The following PPP2R5C variants were observed in gnomAD, a reference collection of about 807,000 sequenced individuals.
The protein encoded by PPP2R5C is protein phosphatase 2 regulatory subunit B'gamma.
A neutral mutation model predicts 68.9 loss-of-function variants in PPP2R5C; 7 were observed. The ratio of observed to expected loss-of-function variants is 0.10; its 90% confidence interval spans 0.06 to 0.19. The LOEUF is 0.19. Among genes scored for constraint, PPP2R5C ranks in the 10% least tolerant of loss-of-function variants. PPP2R5C has a pLI of 1.00. For synonymous variants in PPP2R5C, 210 were observed against 222.2 expected, an observed-to-expected ratio of 0.95 and a Z score of 0.49; for missense variants, 348 against 641.3, an observed-to-expected ratio of 0.54 and a Z score of 4.94.
chr14:101,821,440 G>GTGTGTGTGTGTGT (rs1566869921), intron 1 of PPP2R5C, among the ~76,000 whole-genome samples: 2 of 132,012 alleles, frequency 1.5e-5, no homozygotes, highest in African/African-American at 5.5e-5. Context: ...CCCTGTGGGG[G>GTGTGTGTGTGTGT]GTGGGTGGGT....
At chr14:101,814,532 C>T (rs2039548061) in intron 1 of PPP2R5C, among the ~76,000 whole-genome samples, 1 of 152,202 alleles carries the variant, frequency 6.6e-6, no homozygotes, top group South Asian at 2.1e-4. Context: ...CTCATCCATA[C>T]GCTCTCAATC....
At chr14:101,765,403 T>C (rs1001721520) in intron 2 of PPP2R5C, 6 of 619,412 alleles carry the variant, frequency 9.7e-6, no homozygotes, top group Non-Finnish European at 1.7e-5. Flanking sequence ...GCTCACTGCT[T>C]CACTTCTAGT....
chr14:101,793,022 C>T (rs61994025), intron 3 of PPP2R5C, among the ~76,000 whole-genome samples: 3,008 of 152,114 alleles, frequency 0.02, 33 homozygotes, highest in Non-Finnish European at 0.028. Context: ...GGATTACAGG[C>T]GTGTGCCACC....
chr14:101,853,755 A>G (rs1371539114), intron 1 of PPP2R5C, among the ~76,000 whole-genome samples: 3 of 152,010 alleles, frequency 2.0e-5, no homozygotes, highest in Non-Finnish European at 2.9e-5. Flanking sequence ...CCTCGCCTCT[A>G]GATCGGGGTA....
intron 3 of PPP2R5C, chr14:101,796,548 C>G (rs928895306): frequency 6.5e-6 from 1 of 153,098 alleles, no homozygotes; most frequent in Non-Finnish European, 1.5e-5. Flanking sequence ...AGCTTCAGCC[C>G]CTCTAAGCCA....
intron 2 of PPP2R5C, among the ~76,000 whole-genome samples, chr14:101,780,329 T>C (rs1185179558): frequency 6.6e-6 from 1 of 152,206 alleles, no homozygotes; most frequent in Non-Finnish European, 1.5e-5. Context: ...TGATATGTGC[T>C]GGTTCCTCCT....
chr14:101,893,058 G>A, exon 7 of PPP2R5C: 1 of 1,612,480 alleles, frequency 6.2e-7, no homozygotes, highest in Non-Finnish European at 8.5e-7. Context: ...CTTATTGAAG[G>A]TGTTACTACC....
intron 5 of PPP2R5C, among the ~76,000 whole-genome samples, chr14:101,887,304 C>T (rs1469272535): frequency 6.6e-6 from 1 of 152,186 alleles, no homozygotes; most frequent in African/African-American, 2.4e-5. Flanking sequence ...ATGCTCTATC[C>T]TCACCCTGGC....
At position 101,899,646 on chromosome 14, in the gene PPP2R5C, C is replaced by T. The variant is rs1011055947; in HGVS notation, c.853-2073C>T. Among the ~76,000 whole-genome samples the T allele has an allele frequency of 5.3e-5, 8 of 152,154 alleles. No homozygotes were observed. Among genetic ancestry groups the T allele is most frequent in the Non-Finnish European group, 2.9e-5 (2 of 68,016 alleles). On this transcript the variant is annotated intron_variant, in intron 8 of 13. Coordinates refer to ENST00000334743, the Ensembl canonical transcript of PPP2R5C. The surrounding 1 kb of genome is among the most constrained non-coding windows in gnomAD (Gnocchi z 4.2). ...ATAGTTCACAAATTAACATATTTCT[C>T]CTAATAAAATTCCATTTGACAAATG...
intron 2 of PPP2R5C, among the ~76,000 whole-genome samples, chr14:101,863,307 CA>C (rs34107341): frequency 1.4e-5 from 2 of 146,442 alleles, no homozygotes; most frequent in African/African-American, 2.5e-5. Flanking sequence ...GACTGCTTCT[CA>C]AAAAAAAAAG....
intron 1 of PPP2R5C, among the ~76,000 whole-genome samples, chr14:101,846,826 A>G (rs997260268): frequency 6.6e-6 from 1 of 152,188 alleles, no homozygotes; most frequent in African/African-American, 2.4e-5. Context: ...CAGTTCACCC[A>G]TGTCTCTCCT....
At chr14:101,777,269 A>G (rs1662389500) in intron 2 of PPP2R5C, among the ~76,000 whole-genome samples, 1 of 152,118 alleles carries the variant, frequency 6.6e-6, no homozygotes, top group South Asian at 2.1e-4. Flanking sequence ...AACATTGTGT[A>G]CCGATTTTTG....
intron 3 of PPP2R5C, among the ~76,000 whole-genome samples, chr14:101,794,864 A>G (rs975882140): frequency 2.6e-5 from 4 of 152,180 alleles, no homozygotes; most frequent in African/African-American, 9.7e-5. Context: ...GATTGTTTGC[A>G]TCAGTTTTTC....
rs1229452018 is a variant in PPP2R5C, at chr14:101,825,450, A to G, written c.94+15414A>G. Among the ~76,000 whole-genome samples the G allele has an allele frequency of 1.3e-5, 2 of 152,142 alleles. No individual in the cohort carries two copies. Among genetic ancestry groups the G allele is most frequent in the Non-Finnish European group, 1.5e-5 (1 of 68,026 alleles). On this transcript the variant is annotated intron_variant, in intron 1 of 13. Transcript: ENST00000334743. The surrounding 1 kb of genome is among the most constrained non-coding windows in gnomAD (Gnocchi z 4.0). ...AAGATTTGAGACTTGGCCAAAAGGT[A>G]GCTTTCCTAGTCCTTATCGTAGAGT...
intron 1 of PPP2R5C, among the ~76,000 whole-genome samples, chr14:101,833,149 A>C (rs1450555215): frequency 6.6e-6 from 1 of 152,214 alleles, no homozygotes; most frequent in African/African-American, 2.4e-5. Context: ...CTTGGTCAAA[A>C]CTTTGTCCTT....
At chr14:101,813,582 G>A (rs570024080) in intron 1 of PPP2R5C, among the ~76,000 whole-genome samples, 5 of 152,350 alleles carry the variant, frequency 3.3e-5, no homozygotes, top group East Asian at 3.9e-4. Flanking sequence ...ACCCTGCAGC[G>A]CATGCTCACT....
At chr14:101,874,580 CAA>C (rs756419686) in intron 2 of PPP2R5C, among the ~76,000 whole-genome samples, 30 of 152,182 alleles carry the variant, frequency 2.0e-4, no homozygotes, top group African/African-American at 7.2e-4. Context: ...ATTCTAAACT[CAA>C]AAAATATAAA....
At chr14:101,878,777 G>A (rs184951523) in intron 2 of PPP2R5C, among the ~76,000 whole-genome samples, 5 of 152,326 alleles carry the variant, frequency 3.3e-5, no homozygotes, top group Admixed American at 2.0e-4. Flanking sequence ...AAGAGTGATC[G>A]CTACTTGAAG....
At chr14:101,795,244 C>G (rs2038552596) in intron 3 of PPP2R5C, among the ~76,000 whole-genome samples, 1 of 152,122 alleles carries the variant, frequency 6.6e-6, no homozygotes, top group Non-Finnish European at 1.5e-5. Flanking sequence ...TTTCAAAAAC[C>G]CTTAATAGAT....
Sources: gnomAD v4.1 joint callset for allele counts (sites outside exome capture counted in the v4.1 genomes callset) on GRCh38, gnomAD v4.1.1 for gene constraint, Gnocchi (gnomAD v3.1) non-coding constraint, MANE v1.5 for transcripts, NCBI Gene and HGNC (gene_info 2026-07-23, HGNC 2026-07-21) for gene names.